The following GAB2 variants were observed in gnomAD, a reference collection of about 807,000 sequenced individuals.
The protein encoded by GAB2 is GRB2 associated binding protein 2.
Under a neutral mutation model 65.5 loss-of-function variants are expected in GAB2, and 26 were observed. That is an observed-to-expected ratio of 0.40 (90% CI 0.29 to 0.55). GAB2 has a LOEUF of 0.55. GAB2 is among the 20% of genes least tolerant of loss of function. The pLI is 0.53. For synonymous variants in GAB2, 321 were observed against 329.6 expected, an observed-to-expected ratio of 0.97 and a Z score of 0.28; for missense variants, 884 against 875.8, an observed-to-expected ratio of 1.01 and a Z score of -0.12.
intron 1 of GAB2, among the ~76,000 whole-genome samples, chr11:78,345,095 C>A (rs1208563550): frequency 1.3e-5 from 2 of 152,158 alleles, no homozygotes; most frequent in African/African-American, 4.8e-5. Flanking sequence ...GCCCGCGCAA[C>A]ATGGCAAAAC....
intron 2 of GAB2, among the ~76,000 whole-genome samples, chr11:78,253,155 T>G (rs1230348737): frequency 6.6e-6 from 1 of 151,902 alleles, no homozygotes; most frequent in East Asian, 1.9e-4. Flanking sequence ...CAACTACAGG[T>G]GTATGCCATG....
intron 3 of GAB2, among the ~76,000 whole-genome samples, chr11:78,246,184 G>A (rs535470489): frequency 7.6e-4 from 115 of 151,948 alleles, no homozygotes; most frequent in African/African-American, 2.6e-3. Context: ...CACCTGCCTC[G>A]GGCTCCCAAA....
Position 78,225,187 on chromosome 11 carries a change from G to C in GAB2, c.1223C>G (p.Thr408Ser). 1.9e-6 allele frequency: 3 copies of C among 1,609,870 alleles called. No homozygotes were observed. Among genetic ancestry groups the C allele is most frequent in the Non-Finnish European group, 1.7e-6 (2 of 1,176,144 alleles). The change falls in exon 5 of 10, where the codon ACC (threonine) becomes AGC (serine). Residue 408 changes from threonine (T) to serine (S), a missense_variant. Thr to Ser is a moderately conservative substitution (Grantham distance 58). Coordinates refer to ENST00000361507, the MANE Select transcript of GAB2 (RefSeq NM_080491.3). ...TCCACCACGCTGTGGGTACTCGTAG[G>C]TCTCACAGGAAGAAGCTGACAGAGG... ...SRLHRASSCE[T>S]YEYPQRGGES... is the part of the protein sequence containing the mutation.
At chr11:78,230,805 A>G (rs896891083) in intron 3 of GAB2, among the ~76,000 whole-genome samples, 1 of 152,252 alleles carries the variant, frequency 6.6e-6, no homozygotes, top group Non-Finnish European at 1.5e-5. Flanking sequence ...TGCGCAAACC[A>G]TGCTAAAATG....
At chr11:78,264,963 C>T (rs1865836571) in intron 2 of GAB2, among the ~76,000 whole-genome samples, 1 of 152,110 alleles carries the variant, frequency 6.6e-6, no homozygotes, top group African/African-American at 2.4e-5. Flanking sequence ...ACAGATTCAA[C>T]AGACATTTAA....
intron 1 of GAB2, among the ~76,000 whole-genome samples, chr11:78,329,615 C>T (rs533933394): frequency 1.4e-4 from 21 of 152,282 alleles, no homozygotes; most frequent in African/African-American, 5.1e-4. Context: ...ACAAGGCGAG[C>T]TGGCTGCTAG....
At chr11:78,287,137 A>AT (rs1287323545) in intron 1 of GAB2, among the ~76,000 whole-genome samples, 3 of 152,280 alleles carry the variant, frequency 2.0e-5, no homozygotes, top group African/African-American at 4.8e-5. Flanking sequence ...CTGCATGATC[A>AT]TATCTTTCAA....
intron 2 of GAB2, among the ~76,000 whole-genome samples, chr11:78,254,387 G>A (rs1262164904): frequency 2.0e-5 from 3 of 152,176 alleles, no homozygotes; most frequent in Non-Finnish European, 4.4e-5. Context: ...GAGGTTTTAA[G>A]GTCTGTTAAG....
rs1590940445 is a variant in GAB2 at position 78,223,359 on chromosome 11, A to G, written c.1567+53T>C. On this transcript the variant is annotated intron_variant, in intron 6 of 9. Coordinates refer to ENST00000361507, the MANE Select transcript of GAB2 (RefSeq NM_080491.3). Reference sequence around the variant, plus strand: ...ATCCACATGACCCCTAAGCAAATGGAAAGAGTCCCTAGCCACTGTCCAGAG... The same window carrying G: ...ATCCACATGACCCCTAAGCAAATGGGAAGAGTCCCTAGCCACTGTCCAGAG... 3.5e-6 allele frequency: 5 copies of G among 1,416,692 alleles called. No individual in the cohort carries two copies. The East Asian group carries it at 7.7e-5, about 22-fold the overall frequency. 87.8% of individuals were successfully genotyped at this position (1,416,692 alleles called of 1,614,324 possible).
Position 78,417,795 on chromosome 11 carries a change from G to T in GAB2, c.-75C>A, listed in dbSNP as rs1591101951. 2 of 804,070 alleles carry T rather than the reference G, an allele frequency of 2.5e-6. No individual in the cohort carries two copies. The highest frequency in any genetic ancestry group is 9.6e-5 in the East Asian group (1 of 10,394). 49.8% of individuals were successfully genotyped at this position (804,070 alleles called of 1,614,324 possible). On this transcript the variant is annotated 5_prime_UTR_variant, in exon 1 of 10. Coordinates refer to ENST00000361507, the MANE Select transcript of GAB2 (RefSeq NM_080491.3). Reference sequence around the variant, plus strand: ...TCGGGCAGCTGGGGCAGCGGCCGGCGGTGCGCAGCTCGCGGGAGGCCAGGG... The same window carrying T: ...TCGGGCAGCTGGGGCAGCGGCCGGCTGTGCGCAGCTCGCGGGAGGCCAGGG...
At chr11:78,370,723 G>GTA (rs1025109508) in intron 1 of GAB2, among the ~76,000 whole-genome samples, 2 of 146,976 alleles carry the variant, frequency 1.4e-5, no homozygotes, top group African/African-American at 5.3e-5. Context: ...GTGTGTGTGT[G>GTA]TATGTGTGTG....
In GAB2 at chr11:78,226,591, C is replaced by A; in HGVS notation, c.1081G>T (p.Ala361Ser). Residue 361 changes from alanine to serine, a missense_variant, in exon 4 of 10, where the codon GCA (alanine) becomes TCA (serine). Ala to Ser is a moderately conservative substitution (Grantham distance 99, BLOSUM62 1). Coordinates refer to ENST00000361507, the MANE Select transcript of GAB2 (RefSeq NM_080491.3). ...PPPRPPKPSQ[A>S]ETPRWGSPQQ... is the part of the protein sequence containing the mutation. Reference sequence around the variant, plus strand: ...GGACTGCCCCATCGAGGTGTTTCTGCCTGACTTGGCTTGGGGGGGCGGGGT... The same window carrying A: ...GGACTGCCCCATCGAGGTGTTTCTGACTGACTTGGCTTGGGGGGGCGGGGT... 1.4e-6 allele frequency: 2 copies of A among 1,468,030 alleles called. No individual in the cohort carries two copies. Among genetic ancestry groups the A allele is most frequent in the Non-Finnish European group, 1.9e-6 (2 of 1,061,938 alleles). The allele number at this position is 1,468,030 out of a possible 1,614,324, so 90.9% of individuals were successfully genotyped here.
intron 1 of GAB2, among the ~76,000 whole-genome samples, chr11:78,373,201 T>C (rs954467651): frequency 2.0e-5 from 3 of 152,040 alleles, no homozygotes; most frequent in South Asian, 2.1e-4. Context: ...ACATTATATA[T>C]AGAGTCATAT....
At chr11:78,266,185 A>C (rs1178798980) in intron 2 of GAB2, among the ~76,000 whole-genome samples, 1 of 122,692 alleles carries the variant, frequency 8.2e-6, no homozygotes, top group Non-Finnish European at 1.6e-5. Context: ...ACTGCACTCC[A>C]GCCTGGGTGA....
At chr11:78,361,452 A>T (rs999608076) in intron 1 of GAB2, among the ~76,000 whole-genome samples, 5 of 152,178 alleles carry the variant, frequency 3.3e-5, no homozygotes, top group African/African-American at 1.2e-4. Flanking sequence ...AAGCAAGGAA[A>T]AAAATGGTAA....
rs549644953 is a variant in GAB2 at position 78,296,319 on chromosome 11, A to G, written c.76-15418T>C. Among the ~76,000 whole-genome samples, 141 of 152,358 alleles carry G rather than the reference A, an allele frequency of 9.3e-4. 3 individuals carry two copies. The South Asian group carries it at 0.028, about 30-fold the overall frequency. On this transcript the variant is annotated intron_variant, in intron 1 of 9. Coordinates refer to ENST00000361507, the MANE Select transcript of GAB2 (RefSeq NM_080491.3). The stretch of plus-strand genomic sequence containing the variant: ...TTAGCCTCTGGTCACATTTTTATCA[A>G]TCGGTCAATACATAACCTCGTTTTA...
intron 1 of GAB2, among the ~76,000 whole-genome samples, chr11:78,333,004 T>C (rs1855941299): frequency 6.6e-6 from 1 of 152,146 alleles, no homozygotes; most frequent in Non-Finnish European, 1.5e-5. Context: ...AAGAATCTCT[T>C]ATAATTTAAT....
intron 2 of GAB2, among the ~76,000 whole-genome samples, chr11:78,266,842 T>C (rs879323427): frequency 6.6e-6 from 1 of 152,146 alleles, no homozygotes; most frequent in Non-Finnish European, 1.5e-5. Context: ...CTCTAACCCC[T>C]GTCCACTGGC....
intron 1 of GAB2, among the ~76,000 whole-genome samples, chr11:78,378,979 T>TC (rs1388040567): frequency 1.3e-5 from 2 of 152,140 alleles, no homozygotes; most frequent in Non-Finnish European, 2.9e-5. Context: ...GGAGCCAGCT[T>TC]CCCCAGAATC....
Sources: allele counts gnomAD v4.1 joint callset (sites outside exome capture counted in the v4.1 genomes callset), GRCh38; gene constraint gnomAD v4.1.1; transcripts MANE v1.5; gene names NCBI Gene and HGNC (gene_info 2026-07-23, HGNC 2026-07-21).